Variants in LRP1B observed in about 807,000 individuals in gnomAD.
LRP1B encodes the protein LDL receptor related protein 1B.
Under a neutral mutation model 556.6 loss-of-function variants are expected in LRP1B, and 217 were observed. That is an observed-to-expected ratio of 0.39 (90% CI 0.35 to 0.44). The LOEUF is 0.44. Ranked by LOEUF, LRP1B falls within the 20% of genes least tolerant of loss-of-function variation. The pLI, the probability that LRP1B is intolerant of heterozygous loss-of-function variation, is 1.00. For synonymous variants in LRP1B, 2,047 were observed against 1,865.8 expected (o/e 1.10, Z -2.50); for missense variants, 5,053 against 5,620.8 (o/e 0.90, Z 3.23).
At chr2:140,623,850 C>T (rs966548248) in intron 41 of LRP1B, among the ~76,000 whole-genome samples, 3 of 150,940 alleles carry the variant, frequency 2.0e-5, no homozygotes, top group African/African-American at 2.4e-5. Context: ...GCCTGGGAGG[C>T]GGAGGTTGCA....
At chr2:140,710,258 TGAG>T (rs1471219840) in intron 37 of LRP1B, among the ~76,000 whole-genome samples, 7 of 151,754 alleles carry the variant, frequency 4.6e-5, no homozygotes, top group Admixed American at 1.3e-4. Context: ...AGCAAAGAAA[TGAG>T]GAGACTTGTT....
rs1395553713 is a variant in LRP1B, at chr2:141,185,674, AAAAACAAACAAAC to A, written c.1013+2734_1013+2746del. On this transcript the variant is annotated intron_variant, in intron 7 of 90. Transcript: ENST00000389484. ...TCTATATTTAAACCATGGAGAACTG[AAAAACAAACAAAC>A]AAAAAAAAACAAAAAAAAAAACAAG... 4.2e-5 allele frequency among the ~76,000 whole-genome samples: 4 copies of A among 96,242 alleles called. No homozygotes were observed. In the Admixed American group the frequency reaches 5.7e-4, roughly 14 times the overall value. The allele number at this position is 96,242 out of a possible 152,430, so 63.1% of individuals were successfully genotyped here.
chr2:140,785,245 T>C (rs1019047434), intron 32 of LRP1B, among the ~76,000 whole-genome samples: 1 of 152,210 alleles, frequency 6.6e-6, no homozygotes, highest in Non-Finnish European at 1.5e-5. Flanking sequence ...TTGATAAATC[T>C]GCTTCACAAG....
rs575579334 is a variant in LRP1B, at chr2:140,324,134, T to C, written c.12341-68A>G. 15 of 943,658 alleles carry C rather than the reference T, an allele frequency of 1.6e-5. No homozygotes were observed. In the South Asian group the frequency reaches 2.4e-4, roughly 15 times the overall value. The allele number at this position is 943,658 out of a possible 1,614,324, so 58.5% of individuals were successfully genotyped here. On this transcript the variant is annotated intron_variant, in intron 80 of 90. Transcript: ENST00000389484. ...ACTCAGACTTTAAAAACTATGTTTA[T>C]CCAAGACGATATTGAAAACCTTATT...
At chr2:141,309,085 C>A (rs1450258307) in intron 3 of LRP1B, among the ~76,000 whole-genome samples, 1 of 152,138 alleles carries the variant, frequency 6.6e-6, no homozygotes, top group African/African-American at 2.4e-5. Flanking sequence ...TTTGGCAAAT[C>A]TTGTAAAATC....
chr2:141,804,635 G>A (rs998903688), intron 2 of LRP1B, among the ~76,000 whole-genome samples: 2 of 151,982 alleles, frequency 1.3e-5, no homozygotes, highest in Non-Finnish European at 2.9e-5. Context: ...AGGATCGACC[G>A]AGAGGGGGCA....
intron 1 of LRP1B, among the ~76,000 whole-genome samples, chr2:141,960,798 C>A (rs1019977868): frequency 1.3e-5 from 2 of 151,700 alleles, no homozygotes; most frequent in Non-Finnish European, 2.9e-5. Flanking sequence ...TTAATGTTTA[C>A]AATAATCTAA....
intron 3 of LRP1B, among the ~76,000 whole-genome samples, chr2:141,327,876 G>GAC (rs1491226801): frequency 1.2e-5 from 1 of 84,772 alleles, no homozygotes; most frequent in East Asian, 2.1e-4. Flanking sequence ...GATAAAGAGT[G>GAC]AGAGAGAGAG....
chr2:141,671,104 T>A (rs1234780207), intron 2 of LRP1B, among the ~76,000 whole-genome samples: 1 of 152,158 alleles, frequency 6.6e-6, no homozygotes, highest in Non-Finnish European at 1.5e-5. Context: ...CATATAGAAA[T>A]ATTTGGGATT....
intron 11 of LRP1B, among the ~76,000 whole-genome samples, chr2:141,021,840 A>C (rs62173681): frequency 6.6e-6 from 1 of 151,980 alleles, no homozygotes; most frequent in East Asian, 1.9e-4. Flanking sequence ...ATCTCATAGG[A>C]TGATTACAAA....
chr2:140,920,655 C>G (rs1355232316), intron 21 of LRP1B, among the ~76,000 whole-genome samples: 1 of 151,936 alleles, frequency 6.6e-6, no homozygotes, highest in African/African-American at 2.4e-5. Flanking sequence ...ATAAATGTGA[C>G]TTTGTAATTG....
At position 140,315,063 on chromosome 2, in the gene LRP1B, C is replaced by T. The variant is rs2105036890; in HGVS notation, c.12677G>A (p.Arg4226Lys). Reference sequence around the variant, plus strand: ...ATCACCTTTCTCATTTAAAATGCATCTTCCTCCATTTTCACAAGTTAACTT... The same window carrying T: ...ATCACCTTTCTCATTTAAAATGCATTTTCCTCCATTTTCACAAGTTAACTT... ...SCKLTCENGG[R>K]CILNEKGDLR... Residue 4226 changes from arginine to lysine, a missense_variant, in exon 83 of 91, where the codon AGA becomes AAA. By Grantham distance (26) the Arg-to-Lys change is conservative. This residue lies in a region of LRP1B where 551 missense variants were observed against 592.0 expected (regional missense o/e 0.93). Transcript: ENST00000389484. 3 of 1,610,726 alleles carry T rather than the reference C, an allele frequency of 1.9e-6. No homozygotes were observed. Among genetic ancestry groups the T allele is most frequent in the Admixed American group, 3.4e-5 (2 of 59,626 alleles).
chr2:141,253,983 G>C (rs1235317922), intron 4 of LRP1B, among the ~76,000 whole-genome samples: 3 of 151,966 alleles, frequency 2.0e-5, no homozygotes, highest in African/African-American at 7.2e-5. Context: ...AAATTCTTCA[G>C]AATTCATGAA....
At position 140,315,106 on chromosome 2, in the gene LRP1B, A is replaced by G. The variant is rs1255922076; in HGVS notation, c.12641-7T>C. The G allele has an allele frequency of 6.3e-7, 1 of 1,585,148 alleles. No homozygotes were observed. The highest frequency in any genetic ancestry group is 2.3e-5 in the East Asian group (1 of 44,144). ...GTTAACTTACATGAATCATCTGTTT[A>G]TGAGAAGAAATGTACAAATTAGCAT... On this transcript the variant is annotated splice_region_variant and splice_polypyrimidine_tract_variant and intron_variant, in intron 82 of 90. Transcript: ENST00000389484.
intron 35 of LRP1B, among the ~76,000 whole-genome samples, chr2:140,728,508 C>A (rs1158667420): frequency 6.6e-6 from 1 of 152,096 alleles, no homozygotes; most frequent in Non-Finnish European, 1.5e-5. Flanking sequence ...GGACCAGCAA[C>A]CCATTTCAGA....
intron 1 of LRP1B, among the ~76,000 whole-genome samples, chr2:141,984,756 A>G (rs1702138361): frequency 6.6e-6 from 1 of 152,112 alleles, no homozygotes. Context: ...ATCCACTCTA[A>G]TACACTTTAC....
chr2:141,803,932 G>A (rs1036322856), intron 2 of LRP1B, among the ~76,000 whole-genome samples: 4 of 152,028 alleles, frequency 2.6e-5, no homozygotes, highest in Non-Finnish European at 4.4e-5. Context: ...TCACAACAAC[G>A]GAAACATAAT....
intron 1 of LRP1B, among the ~76,000 whole-genome samples, chr2:142,086,879 G>A (rs1008032255): frequency 2.0e-5 from 3 of 151,996 alleles, no homozygotes; most frequent in African/African-American, 4.8e-5. Context: ...TTGTCATCAC[G>A]AAAGCAATAT....
intron 35 of LRP1B, among the ~76,000 whole-genome samples, chr2:140,763,767 GT>G (rs1385791723): frequency 6.6e-6 from 1 of 151,998 alleles, no homozygotes; most frequent in African/African-American, 2.4e-5. Flanking sequence ...TATGATATTT[GT>G]ATTTCAGGTA....
Sources: allele counts gnomAD v4.1 joint callset (sites outside exome capture counted in the v4.1 genomes callset), GRCh38; gene constraint gnomAD v4.1.1; regional missense constraint gnomAD v4.1.1; transcripts MANE v1.5; gene names NCBI Gene and HGNC (gene_info 2026-07-23, HGNC 2026-07-21).